Variants in DAB1 observed in about 807,000 individuals in gnomAD.
DAB1 encodes the protein disabled homolog 1.
Under a neutral mutation model 64.6 loss-of-function variants are expected in DAB1, and 15 were observed. That is an observed-to-expected ratio of 0.23 (90% confidence interval 0.16 to 0.36). DAB1 has a LOEUF of 0.36. Ranked by LOEUF, DAB1 falls within the 10% of genes least tolerant of loss-of-function variation. The probability of loss-of-function intolerance (pLI) is 1.00; values close to 1 mark genes in which losing one functional copy is unlikely to be tolerated. For synonymous variants in DAB1, 235 were observed against 251.9 expected (o/e 0.93, Z 0.64); for missense variants, 596 against 706.7 (o/e 0.84, Z 1.78).
At chr1:57,660,672 C>T (rs1357529738) in intron 6 of DAB1, among the ~76,000 whole-genome samples, 1 of 152,212 alleles carries the variant, frequency 6.6e-6, no homozygotes, top group African/African-American at 2.4e-5. Flanking sequence ...GAACTTGCTC[C>T]CCTAATGTCC....
intron 6 of DAB1, among the ~76,000 whole-genome samples, chr1:57,678,545 A>G (rs1285259352): frequency 6.6e-6 from 1 of 152,162 alleles, no homozygotes; most frequent in Non-Finnish European, 1.5e-5. Context: ...GCTATAATTC[A>G]GCATAGCAGA....
chr1:57,370,889 T>G (rs1007210189), intron 1 of DAB1, among the ~76,000 whole-genome samples: 6 of 152,224 alleles, frequency 3.9e-5, no homozygotes, highest in Non-Finnish European at 8.8e-5. Context: ...GTTTAAAAAG[T>G]GATTTCAAAT....
intron 14 of DAB1, among the ~76,000 whole-genome samples, chr1:57,003,974 C>T (rs1445705293): frequency 6.6e-6 from 1 of 152,134 alleles, no homozygotes; most frequent in African/African-American, 2.4e-5. Context: ...TTTGTTTTTT[C>T]TAGAGTTTCA....
At chr1:57,970,439 A>C (rs1003666102) in intron 5 of DAB1, among the ~76,000 whole-genome samples, 1 of 152,068 alleles carries the variant, frequency 6.6e-6, no homozygotes, top group Non-Finnish European at 1.5e-5. Context: ...AGAAAATGCC[A>C]ATTTTCCCAG....
chr1:58,331,779 G>A (rs866288913), intron 4 of DAB1, among the ~76,000 whole-genome samples: 1 of 152,300 alleles, frequency 6.6e-6, no homozygotes, highest in Middle Eastern at 3.4e-3. Context: ...ACAGACTACA[G>A]TATAGTGTAA....
chr1:57,403,341 C>G (rs1432671056), intron 1 of DAB1, among the ~76,000 whole-genome samples: 1 of 152,162 alleles, frequency 6.6e-6, no homozygotes, highest in African/African-American at 2.4e-5. Flanking sequence ...TGGGGAGAAC[C>G]TACTTACTAA....
chr1:58,055,441 C>T (rs1647991458), intron 5 of DAB1, among the ~76,000 whole-genome samples: 2 of 152,142 alleles, frequency 1.3e-5, no homozygotes, highest in South Asian at 4.1e-4. Context: ...GCAACCCCAC[C>T]CCTCGTACTC....
At chr1:57,777,679 G>A (rs565885425) in intron 6 of DAB1, among the ~76,000 whole-genome samples, 2 of 151,878 alleles carry the variant, frequency 1.3e-5, no homozygotes, top group African/African-American at 4.8e-5. Flanking sequence ...TTTCCTTTAA[G>A]TCTATGAACA....
chr1:57,608,754 A>G (rs1395259183), intron 7 of DAB1, among the ~76,000 whole-genome samples: 3 of 152,146 alleles, frequency 2.0e-5, no homozygotes, highest in African/African-American at 7.2e-5. Context: ...TCAGCAAGCT[A>G]CAAATCCAAG....
chr1:57,674,361 T>C (rs1177655424), intron 6 of DAB1, among the ~76,000 whole-genome samples: 1 of 152,194 alleles, frequency 6.6e-6, no homozygotes, highest in African/African-American at 2.4e-5. Flanking sequence ...GTAACTGACT[T>C]AAATGATAAG....
intron 3 of DAB1, chr1:58,481,015 G>A (rs769541073): frequency 1.1e-6 from 1 of 871,354 alleles, no homozygotes; most frequent in Admixed American, 1.7e-5. Flanking sequence ...ATTTGCTCCT[G>A]TTTTTGAATA....
chr1:57,737,601 G>A (rs1169282564), intron 6 of DAB1, among the ~76,000 whole-genome samples: 1 of 152,142 alleles, frequency 6.6e-6, no homozygotes, highest in African/African-American at 2.4e-5. Flanking sequence ...TATTCTTCAT[G>A]GGATACAATA....
At chr1:57,983,169 T>C (rs1214600452) in intron 5 of DAB1, among the ~76,000 whole-genome samples, 2 of 152,214 alleles carry the variant, frequency 1.3e-5, no homozygotes, top group East Asian at 3.8e-4. Flanking sequence ...TCAATCTCTC[T>C]GAATCAGATT....
At chr1:57,973,314 C>T (rs1013556585) in intron 5 of DAB1, among the ~76,000 whole-genome samples, 3 of 152,154 alleles carry the variant, frequency 2.0e-5, no homozygotes, top group Admixed American at 6.6e-5. Flanking sequence ...CGTTCAGAGG[C>T]AATGCAGGCC....
At chr1:58,265,586 AT>A (rs1228786780) in intron 4 of DAB1, among the ~76,000 whole-genome samples, 1 of 152,182 alleles carries the variant, frequency 6.6e-6, no homozygotes, top group African/African-American at 2.4e-5. Context: ...TTTTTTTCAT[AT>A]TACATGAAAG....
At chr1:57,147,683 AT>A (rs1659280365) in intron 2 of DAB1, among the ~76,000 whole-genome samples, 1 of 152,258 alleles carries the variant, frequency 6.6e-6, no homozygotes, top group South Asian at 2.1e-4. Flanking sequence ...ATTTCAGTCC[AT>A]AATAACATCT....
At chr1:57,894,103 C>T (rs536569144) in intron 5 of DAB1, among the ~76,000 whole-genome samples, 1 of 152,232 alleles carries the variant, frequency 6.6e-6, no homozygotes, top group Admixed American at 6.5e-5. Context: ...GACACCTGTC[C>T]CCGGAAGTAT....
chr1:57,387,821 C>CAAAA (rs55950458), intron 1 of DAB1, among the ~76,000 whole-genome samples: 1,120 of 104,220 alleles, frequency 0.011, 36 homozygotes, highest in African/African-American at 0.033. Flanking sequence ...GACTCAGCCT[C>CAAAA]AAAAAAAAAA....
chr1:57,460,689 G>T (rs1272673147), intron 7 of DAB1, among the ~76,000 whole-genome samples: 5 of 152,044 alleles, frequency 3.3e-5, no homozygotes, highest in African/African-American at 1.2e-4. Flanking sequence ...GATTTTAGCT[G>T]CCAGGACTCC....
Sources: allele counts gnomAD v4.1 joint callset (sites outside exome capture counted in the v4.1 genomes callset), GRCh38; gene constraint gnomAD v4.1.1; transcripts MANE v1.5; gene names NCBI Gene and HGNC (gene_info 2026-07-23, HGNC 2026-07-21).